Variants in SH3GL2 observed in about 807,000 individuals in gnomAD.
SH3GL2 encodes SH3 domain containing GRB2 like 2, endophilin A1, also known as endophilin-A1.
SH3GL2 carries 24 observed loss-of-function variants against 46.0 expected under a neutral mutation model. The observed-to-expected ratio is 0.52, with a 90% CI of 0.38 to 0.73. The LOEUF is 0.73. Among genes scored for constraint, SH3GL2 ranks in the 30% least tolerant of loss-of-function variants. The probability of loss-of-function intolerance (pLI) is 0.00; values close to 1 mark genes in which losing one functional copy is unlikely to be tolerated. For synonymous variants in SH3GL2, 196 were observed against 147.1 expected, an observed-to-expected ratio of 1.33 and a Z score of -2.40; for missense variants, 413 against 424.2, an observed-to-expected ratio of 0.97 and a Z score of 0.23.
intron 3 of SH3GL2, 49 bp from the exon 4 acceptor site, chr9:17,786,332 G>T (rs374577453): frequency 2.6e-6 from 4 of 1,558,432 alleles, no homozygotes; most frequent in South Asian, 1.2e-5. Context: ...CCCTATTTCC[G>T]CAGTGTCACA....
intron 1 of SH3GL2, among the ~76,000 whole-genome samples, chr9:17,744,915 G>A (rs1822636089): frequency 6.6e-6 from 1 of 152,176 alleles, no homozygotes; most frequent in East Asian, 1.9e-4. Flanking sequence ...AGGATTAAGA[G>A]TTAAGGCAGT....
chr9:17,750,001 A>C (rs1822799911), intron 2 of SH3GL2, among the ~76,000 whole-genome samples: 1 of 152,184 alleles, frequency 6.6e-6, no homozygotes, highest in African/African-American at 2.4e-5. Flanking sequence ...TGAGAGATTT[A>C]GGTTTCAGTG....
chr9:17,787,258 CTTGTCTG>C, intron 4 of SH3GL2, 115 bp from the exon 5 acceptor site: 1 of 754,492 alleles, frequency 1.3e-6, no homozygotes, highest in South Asian at 1.8e-5. Flanking sequence ...CCTATTCTCT[CTTGTCTG>C]TTGTCTTTAG....
At chr9:17,709,401 A>G (rs2118258153) in intron 1 of SH3GL2, among the ~76,000 whole-genome samples, 1 of 152,080 alleles carries the variant, frequency 6.6e-6, no homozygotes, top group South Asian at 2.1e-4. Flanking sequence ...CCATGAAACC[A>G]AAGGGCTGAT....
intron 1 of SH3GL2, among the ~76,000 whole-genome samples, chr9:17,670,299 C>G (rs1386813136): frequency 6.6e-6 from 1 of 152,122 alleles, no homozygotes; most frequent in Non-Finnish European, 1.5e-5. Context: ...CCAGGCTACT[C>G]TTTGTTAGAA....
chr9:17,628,980 CTTT>C (rs5896753), intron 1 of SH3GL2, among the ~76,000 whole-genome samples: 1 of 145,812 alleles, frequency 6.9e-6, no homozygotes, highest in African/African-American at 2.5e-5. Context: ...ATTAAATTAC[CTTT>C]TTTTTTTTTT....
intron 1 of SH3GL2, among the ~76,000 whole-genome samples, chr9:17,656,605 A>G (rs1389893610): frequency 2.0e-5 from 3 of 152,092 alleles, no homozygotes; most frequent in Non-Finnish European, 4.4e-5. Flanking sequence ...TTAGTCATGC[A>G]AAGAAGAAAT....
chr9:17,603,932 G>A (rs1261329291), intron 1 of SH3GL2, among the ~76,000 whole-genome samples: 2 of 152,102 alleles, frequency 1.3e-5, no homozygotes, highest in African/African-American at 2.4e-5. Flanking sequence ...ACACTTACAA[G>A]TTAAGATGGT....
At chr9:17,688,417 T>C (rs185311199) in intron 1 of SH3GL2, among the ~76,000 whole-genome samples, 1 of 152,188 alleles carries the variant, frequency 6.6e-6, no homozygotes, top group Admixed American at 6.6e-5. Flanking sequence ...GTTTAACAGG[T>C]GAAGCTCTGG....
intron 1 of SH3GL2, among the ~76,000 whole-genome samples, chr9:17,738,202 T>C (rs1471618182): frequency 6.6e-6 from 1 of 152,116 alleles, no homozygotes; most frequent in Non-Finnish European, 1.5e-5. Flanking sequence ...GCTGCTATAT[T>C]CATTCCATTT....
In SH3GL2 at chr9:17,796,148, T is replaced by C. The variant is rs1224766312; in HGVS notation, c.*405T>C. On this transcript the variant is annotated 3_prime_UTR_variant, in exon 9 of 9. Transcript: ENST00000380607. Reference sequence around the variant, plus strand: ...CTCCATGCAAAGAGGAGAAAGCTTTTGCTTTCACACTGTCCCTTCCCAAAT... The same window carrying C: ...CTCCATGCAAAGAGGAGAAAGCTTTCGCTTTCACACTGTCCCTTCCCAAAT... 1 of 164,758 alleles carries C rather than the reference T, an allele frequency of 6.1e-6. No individual in the cohort carries two copies. The highest frequency in any genetic ancestry group is 1.3e-5 in the Non-Finnish European group (1 of 75,770). 10.2% of individuals were successfully genotyped at this position (164,758 alleles called of 1,614,324 possible).
rs1563833703 is a variant in SH3GL2, at chr9:17,738,546, G to GTGTGTATATACATACATATATACATA, written c.46-8515_46-8514insATATACATACATATATACATATGTGT. Among the ~76,000 whole-genome samples the GTGTGTATATACATACATATATACATA allele has an allele frequency of 1.4e-4, 5 of 35,900 alleles. 1 individual carries two copies. The highest frequency in any genetic ancestry group is 4.5e-4 in the Non-Finnish European group (5 of 11,092). 23.6% of individuals were successfully genotyped at this position (35,900 alleles called of 152,430 possible). On this transcript the variant is annotated intron_variant, in intron 1 of 8. Transcript: ENST00000380607. ...TGTATATACATACATATATACATAA[G>GTGTGTATATACATACATATATACATA]TGTGTGTGTATATACATACATATAT...
At chr9:17,598,037 A>C (rs199988676) in intron 1 of SH3GL2, among the ~76,000 whole-genome samples, 89 of 152,304 alleles carry the variant, frequency 5.8e-4, no homozygotes, top group East Asian at 5.8e-4. Flanking sequence ...TATAATTAGA[A>C]TTTGTCACAG....
At chr9:17,593,779 T>C (rs1260641502) in intron 1 of SH3GL2, among the ~76,000 whole-genome samples, 2 of 152,196 alleles carry the variant, frequency 1.3e-5, no homozygotes, top group Non-Finnish European at 1.5e-5. Flanking sequence ...TAAGAGAAGC[T>C]TTTGAAGTAA....
intron 1 of SH3GL2, among the ~76,000 whole-genome samples, chr9:17,594,885 G>T (rs1399207092): frequency 6.6e-6 from 1 of 152,036 alleles, no homozygotes; most frequent in Non-Finnish European, 1.5e-5. Flanking sequence ...TTAAAAGGGG[G>T]TCCTATGCAT....
intron 1 of SH3GL2, among the ~76,000 whole-genome samples, chr9:17,743,447 C>A (rs955479167): frequency 6.6e-6 from 1 of 152,080 alleles, no homozygotes; most frequent in Admixed American, 6.5e-5. Context: ...TGAACTGTCT[C>A]TCTCAGCAGC....
At chr9:17,630,584 A>G (rs186648189) in intron 1 of SH3GL2, among the ~76,000 whole-genome samples, 17 of 152,204 alleles carry the variant, frequency 1.1e-4, no homozygotes, top group South Asian at 4.1e-4. Flanking sequence ...CAAAAGGCAC[A>G]TGCTATATGA....
chr9:17,579,223 C>A lies in SH3GL2; in HGVS notation c.-20C>A. The stretch of plus-strand genomic sequence containing the variant: ...CCTCCTCCCTCCCGCACAGCAGCCG[C>A]CAGCGCGGCCTCCTGCACCATGTCG... On this transcript the variant is annotated 5_prime_UTR_variant, in exon 1 of 9. Coordinates refer to ENST00000380607, the MANE Select transcript of SH3GL2 (RefSeq NM_003026.5). 6.5e-7 allele frequency: 1 copy of A among 1,540,392 alleles called. No homozygotes were observed. The highest frequency in any genetic ancestry group is 1.2e-5 in the South Asian group (1 of 83,794).
At chr9:17,661,915 T>C (rs1214708176) in intron 1 of SH3GL2, among the ~76,000 whole-genome samples, 1 of 152,206 alleles carries the variant, frequency 6.6e-6, no homozygotes, top group Non-Finnish European at 1.5e-5. Context: ...CATAGGTATG[T>C]TGGATGGTTG....
Sources: gnomAD v4.1 joint callset for allele counts (sites outside exome capture counted in the v4.1 genomes callset) on GRCh38, gnomAD v4.1.1 for gene constraint, MANE v1.5 for transcripts, NCBI Gene and HGNC (gene_info 2026-07-23, HGNC 2026-07-21) for gene names.